DPAGT1: variants seen among roughly 807,000 people sequenced by gnomAD.
DPAGT1 encodes the protein dolichyl-phosphate N-acetylglucosaminephosphotransferase 1.
A neutral mutation model predicts 39.3 loss-of-function variants in DPAGT1; 25 were observed. The ratio of observed to expected loss-of-function variants is 0.64; its 90% CI spans 0.46 to 0.89. The LOEUF is 0.89. Ranked by LOEUF, DPAGT1 falls within the 40% of genes least tolerant of loss-of-function variation. The probability of loss-of-function intolerance (pLI) is 0.00; values close to 1 mark genes in which losing one functional copy is unlikely to be tolerated. For synonymous variants in DPAGT1, 193 were observed against 201.4 expected, an observed-to-expected ratio of 0.96 and a Z score of 0.36; for missense variants, 381 against 500.6, an observed-to-expected ratio of 0.76 and a Z score of 2.28.
At chr11:119,094,913 C>T (rs934694347), downstream of DPAGT1, 1 of 1,536,524 alleles carries the variant, frequency 6.5e-7, no homozygotes, top group Non-Finnish European at 8.7e-7. Flanking sequence ...TTAAAAGGGC[C>T]TTTGTGGTGG....
chr11:119,101,211 A>C, intron 1 of DPAGT1, 73 bp from the exon 2 acceptor site: 1 of 1,603,408 alleles, frequency 6.2e-7, no homozygotes, highest in Non-Finnish European at 8.5e-7. Context: ...CAGGTGTTAC[A>C]GTAACCCAAA....
In DPAGT1 at chr11:119,096,755, G is replaced by A. The variant is rs1394982122; in HGVS notation, c.*243C>T. The A allele has an allele frequency of 1.7e-6, 1 of 584,064 alleles. No individual in the cohort carries two copies. Among genetic ancestry groups the A allele is most frequent in the African/African-American group, 1.9e-5 (1 of 53,640 alleles). 36.2% of individuals were successfully genotyped at this position (584,064 alleles called of 1,614,324 possible). A position where few individuals can be genotyped will look rare whatever the true frequency, so the allele number is the denominator to read the frequency against. On this transcript the variant is annotated 3_prime_UTR_variant, in exon 9 of 9. Transcript: ENST00000354202. ...CCCTATGAGGCTGCAAAGATGGGAT[G>A]GAGAGGGAGAGAGTAGCAAGTTGCA... is the stretch of plus-strand genomic sequence containing the variant.
rs1397832849 is a variant in DPAGT1, at chr11:119,101,814, T to A, written c.-159A>T. On this transcript the variant is annotated 5_prime_UTR_variant, in exon 1 of 9. Transcript: ENST00000354202. ...CCAGCAACTCTGACTTGAGCCGCCG[T>A]CGGGACACCGGGGAACCTCTCTAAG... 2.0e-6 allele frequency: 3 copies of A among 1,510,980 alleles called. No homozygotes were observed. Among genetic ancestry groups the A allele is most frequent in the Non-Finnish European group, 2.7e-6 (3 of 1,130,786 alleles). 93.6% of individuals were successfully genotyped at this position (1,510,980 alleles called of 1,614,324 possible).
At chr11:119,095,970 CTTTTTT>C (rs1034864534), downstream of DPAGT1, among the ~76,000 whole-genome samples, 8 of 151,656 alleles carry the variant, frequency 5.3e-5, no homozygotes, top group Non-Finnish European at 1.0e-4. Context: ...TTCTTTCTTT[CTTTTTT>C]TAATAGACCG....
downstream of DPAGT1, chr11:119,095,477 G>GT: frequency 7.2e-7 from 1 of 1,389,090 alleles, no homozygotes; most frequent in Non-Finnish European, 9.5e-7. Flanking sequence ...TCGCGCGCGC[G>GT]CCGCGAGGCC....
rs145206990 is a variant in DPAGT1 at position 119,097,569 on chromosome 11, C to T, written c.918-18G>A. On this transcript the variant is annotated intron_variant, in intron 6 of 8. Transcript: ENST00000354202. The surrounding 1 kb of genome is among the most constrained non-coding windows in gnomAD (Gnocchi z 4.6). ...TATTGAGTCTGCGGGGGGAAGATAG[C>T]TTCATGTGACTGGGCCACTATTTGA... is the stretch of plus-strand genomic sequence containing the variant. 22,257 of 1,613,696 alleles carry T rather than the reference C, an allele frequency of 0.014. 207 individuals carry two copies. The highest frequency in any genetic ancestry group is 0.017 in the Non-Finnish European group (20,565 of 1,179,616).
In DPAGT1 at chr11:119,101,161, C is replaced by A. The variant is rs372096291; in HGVS notation, c.162-23G>T. ...GGGCTGTGGCCCAGCAGCAAGGGGG[C>A]GAGGGGGAAGAGGAAAGGGGGCGTG... On this transcript the variant is annotated intron_variant, in intron 1 of 8. Transcript: ENST00000354202. 2.0e-5 allele frequency: 32 copies of A among 1,613,232 alleles called. No homozygotes were observed. In the African/African-American group the frequency reaches 3.7e-4, roughly 19 times the overall value.
intron 5 of DPAGT1, 40 bp downstream of exon 5, chr11:119,098,363 G>A (rs1191015873): frequency 6.3e-7 from 1 of 1,592,638 alleles, no homozygotes; most frequent in South Asian, 1.1e-5. Flanking sequence ...TCTTTGCCAT[G>A]TGTTCAGGTA....
At chr11:119,100,500 A>G (rs1219227297) in intron 3 of DPAGT1, 92 bp from the exon 4 acceptor site, 14 of 1,602,742 alleles carry the variant, frequency 8.7e-6, no homozygotes, top group African/African-American at 1.3e-5. Context: ...GGACGATAGG[A>G]TGAAGGGCTA....
downstream of DPAGT1, chr11:119,093,887 C>G (rs768097725): frequency 2.6e-4 from 41 of 157,694 alleles, no homozygotes; most frequent in Non-Finnish European, 3.2e-4. Flanking sequence ...AAAAAAAAAA[C>G]AATCCTTTAA....
Position 119,097,127 on chromosome 11 carries a change from G to A in DPAGT1, c.1161+15C>T, listed in dbSNP as rs775825050. ...AAGGGAGACACGGAGGTATAAACTCGATTCCCATCCTCACCTGCAGCAGCA... is the reference window on the plus strand; with the variant it reads ...AAGGGAGACACGGAGGTATAAACTCAATTCCCATCCTCACCTGCAGCAGCA... On this transcript the variant is annotated intron_variant, in intron 8 of 8. Coordinates refer to ENST00000354202, the MANE Select transcript of DPAGT1 (RefSeq NM_001382.4). This position sits in a 1 kb window ranked among gnomAD's most constrained non-coding sequence, Gnocchi z 4.6. 3.7e-6 allele frequency: 6 copies of A among 1,614,182 alleles called. No individual in the cohort carries two copies. The Admixed American group carries it at 5.0e-5, about 13-fold the overall frequency.
At chr11:119,096,252 G>GCAC (rs1946391758), downstream of DPAGT1, among the ~76,000 whole-genome samples, 1 of 152,220 alleles carries the variant, frequency 6.6e-6, no homozygotes, top group Non-Finnish European at 1.5e-5. Flanking sequence ...ATGAGCCACT[G>GCAC]CACCCGGTGA....
In DPAGT1 at chr11:119,101,669, G is replaced by T; in HGVS notation, c.-14C>A. ...GAAGGCCCACATGGTGACCGGTCAGGGGCCCGGCTCCGCCGCCTCTTCAGG... is the reference window on the plus strand; with the variant it reads ...GAAGGCCCACATGGTGACCGGTCAGTGGCCCGGCTCCGCCGCCTCTTCAGG... On this transcript the variant is annotated 5_prime_UTR_variant, in exon 1 of 9. Coordinates refer to ENST00000354202, the MANE Select transcript of DPAGT1 (RefSeq NM_001382.4). 6.2e-7 allele frequency: 1 copy of T among 1,614,234 alleles called. No individual in the cohort carries two copies. Among genetic ancestry groups the T allele is most frequent in the Non-Finnish European group, 8.5e-7 (1 of 1,180,028 alleles).
rs926539216 is a variant in DPAGT1 at position 119,096,613 on chromosome 11, G to A, written c.*385C>T. 5.6e-6 allele frequency: 2 copies of A among 357,228 alleles called. No homozygotes were observed. The highest frequency in any genetic ancestry group is 2.9e-5 in the South Asian group (1 of 34,120). 22.1% of individuals were successfully genotyped at this position (357,228 alleles called of 1,614,324 possible). ...ATTTACAATCAAATGACATGTCACC[G>A]TGGAGCCTGTGTTCCTAGCCCTGGC... is the stretch of plus-strand genomic sequence containing the variant. On this transcript the variant is annotated 3_prime_UTR_variant, in exon 9 of 9. Coordinates refer to ENST00000354202, the MANE Select transcript of DPAGT1 (RefSeq NM_001382.4).
rs757491086 is a variant in DPAGT1 at position 119,101,659 on chromosome 11, G to A, written c.-4C>T. On this transcript the variant is annotated 5_prime_UTR_variant, in exon 1 of 9. Transcript: ENST00000354202. ...GCAATTCCGAGAAGGCCCACATGGTGACCGGTCAGGGGCCCGGCTCCGCCG... is the reference window on the plus strand; with the variant it reads ...GCAATTCCGAGAAGGCCCACATGGTAACCGGTCAGGGGCCCGGCTCCGCCG... 1.2e-6 allele frequency: 2 copies of A among 1,614,260 alleles called. No individual in the cohort carries two copies. The highest frequency in any genetic ancestry group is 1.1e-5 in the South Asian group (1 of 91,084).
downstream of DPAGT1, chr11:119,094,951 G>A (rs765950306): frequency 2.7e-4 from 423 of 1,589,188 alleles, 1 homozygote; most frequent in Non-Finnish European, 3.5e-4. Context: ...GCCGGCCGCG[G>A]CGCGGGCCCT....
At chr11:119,099,780 C>CAAAA (rs57486910) in intron 4 of DPAGT1, among the ~76,000 whole-genome samples, 15 of 75,796 alleles carry the variant, frequency 2.0e-4, no homozygotes, top group Non-Finnish European at 2.4e-4. Context: ...GACCCTGTCT[C>CAAAA]AAAAAAAAAA....
In DPAGT1 at chr11:119,097,971, G is replaced by C. The variant is rs1592226193; in HGVS notation, c.801C>G (p.Ile267Met). 1 of 1,614,232 alleles carries C rather than the reference G, an allele frequency of 6.2e-7. No individual in the cohort carries two copies. Among genetic ancestry groups the C allele is most frequent in the Admixed American group, 1.7e-5 (1 of 60,020 alleles). Residue 267 changes from isoleucine to methionine, a missense_variant, in exon 6 of 9, where the codon ATC becomes ATG. Transcript: ENST00000354202. The surrounding 1 kb of genome is among the most constrained non-coding windows in gnomAD (Gnocchi z 4.6). Reference protein sequence around the residue: ...FAGMTFAVVGILGHFSKTMLL... With the variant: ...FAGMTFAVVGMLGHFSKTMLL... ...GCATGGTCTTGCTGAAGTGTCCCAA[G>C]ATGCCCACCACGGCAAAGGTCATGC...
chr11:119,095,513 C>T (rs1407071793), downstream of DPAGT1: 1 of 1,100,094 alleles, frequency 9.1e-7, no homozygotes, highest in Non-Finnish European at 1.3e-6. Flanking sequence ...CAGGACACAC[C>T]TCTGCGCCCT....
Sources: allele counts gnomAD v4.1 joint callset (sites outside exome capture counted in the v4.1 genomes callset), GRCh38; gene constraint gnomAD v4.1.1; non-coding constraint Gnocchi (gnomAD v3.1); transcripts MANE v1.5; gene names NCBI Gene and HGNC (gene_info 2026-07-23, HGNC 2026-07-21).